The following BAHD1 variants were observed in gnomAD, a reference collection of about 807,000 sequenced individuals.
BAHD1 encodes the protein bromo adjacent homology domain-containing 1 protein.
In BAHD1, 20 loss-of-function variants were observed where a neutral mutation model predicts 63.1. That is an observed-to-expected ratio of 0.32 (90% confidence interval 0.22 to 0.46). The LOEUF (loss-of-function observed/expected upper bound fraction) is 0.46, where lower values mean the gene tolerates loss of function less well. BAHD1 is among the 20% of genes least tolerant of loss of function. The pLI is 1.00. For synonymous variants in BAHD1, 408 were observed against 426.8 expected, an observed-to-expected ratio of 0.96 and a Z score of 0.54; for missense variants, 939 against 1,071.8, an observed-to-expected ratio of 0.88 and a Z score of 1.73.
Position 40,459,754 on chromosome 15 carries a change from C to T in BAHD1, c.1290C>T (p.His430=), listed in dbSNP as rs1308867452. The T allele has an allele frequency of 3.1e-6, 5 of 1,614,000 alleles. No homozygotes were observed. The highest frequency in any genetic ancestry group is 1.6e-4 in the Middle Eastern group (1 of 6,062). Residue 430 remains histidine, a synonymous_variant, in exon 2 of 7, where the codon CAC becomes CAT. Transcript: ENST00000416165. The part of the protein sequence containing the change: ...SSVPSGTPFQ[H]PPWGSSRYCS... ...TGCCCTCAGGCACCCCTTTCCAGCA[C>T]CCTCCCTGGGGCTCCTCTCGCTACT...
chr15:40,446,691 A>G (rs1003139494), intron 1 of BAHD1, among the ~76,000 whole-genome samples: 1 of 152,218 alleles, frequency 6.6e-6, no homozygotes, highest in African/African-American at 2.4e-5. Context: ...TAGTCTTGTT[A>G]CCAATGTCAG....
upstream of BAHD1, chr15:40,439,851 T>C (rs1893352378): frequency 6.6e-6 from 1 of 152,334 alleles, no homozygotes; most frequent in Admixed American, 6.5e-5. Flanking sequence ...TCTGTGCCCT[T>C]AGCCTGCTGT....
At chr15:40,440,304 G>A (rs1400019226), upstream of BAHD1, among the ~76,000 whole-genome samples, 3 of 152,152 alleles carry the variant, frequency 2.0e-5, no homozygotes, top group Non-Finnish European at 4.4e-5. Context: ...TGGCAGGCAG[G>A]GAAGTCGGAA....
rs199812510 is a variant in BAHD1 at position 40,462,189 on chromosome 15, C to A, written c.1710C>A (p.Pro570=). The part of the protein sequence containing the change: ...RSKAARRPSH[P]KQPRVQRPRP... ...AGGCTGCCCGCAGGCCTAGCCACCC[C>A]AAGCAGCCACGTGTCCAGCGCCCAC... Residue 570 remains proline (P), a synonymous_variant, in exon 3 of 7, where the codon CCC becomes CCA. Transcript: ENST00000416165. 18 of 1,612,526 alleles carry A rather than the reference C, an allele frequency of 1.1e-5. No homozygotes were observed. Among genetic ancestry groups the A allele is most frequent in the Non-Finnish European group, 1.4e-5 (17 of 1,179,914 alleles).
rs1359955147 is a variant in BAHD1, at chr15:40,467,399, T to C, written c.*1269T>C. The C allele has an allele frequency of 6.5e-6, 1 of 153,300 alleles. No individual in the cohort carries two copies. The highest frequency in any genetic ancestry group is 1.5e-5 in the Non-Finnish European group (1 of 68,604). 9.5% of individuals were successfully genotyped at this position (153,300 alleles called of 1,614,324 possible). On this transcript the variant is annotated 3_prime_UTR_variant, in exon 7 of 7. Transcript: ENST00000416165. ...TGGTGGGAGAGGGAGTGGAGTGCAG[T>C]GTGGCTTGGGCCTGGTGCTGGGAAC...
Position 40,464,518 on chromosome 15 carries a change from C to T in BAHD1, c.2023C>T (p.Gln675Ter). Residue 675 changes from glutamine to a stop codon, truncating the protein, a stop_gained, in exon 5 of 7, where the codon CAG becomes TAG. Coordinates refer to ENST00000416165, the MANE Select transcript of BAHD1 (RefSeq NM_014952.5). LOFTEE classifies it high-confidence loss of function. ...LLWYYRPEHLQGGRSPSMHEP... is the reference protein window; with the variant it reads ...LLWYYRPEHL Reference sequence around the variant, plus strand: ...GTGGTATTACAGACCTGAGCACTTACAGGGAGGCCGCAGTCCCAGCATGCA... The same window carrying T: ...GTGGTATTACAGACCTGAGCACTTATAGGGAGGCCGCAGTCCCAGCATGCA... 6.2e-7 allele frequency: 1 copy of T among 1,613,582 alleles called. No individual in the cohort carries two copies. The highest frequency in any genetic ancestry group is 1.3e-5 in the African/African-American group (1 of 75,032).
intron 1 of BAHD1, among the ~76,000 whole-genome samples, chr15:40,447,548 ACT>A (rs1323516390): frequency 2.0e-5 from 3 of 150,852 alleles, no homozygotes; most frequent in Non-Finnish European, 2.9e-5. Context: ...ACAGAGCAAG[ACT>A]CTGTCTCCAG....
At position 40,465,899 on chromosome 15, in the gene BAHD1, A is replaced by G. The variant is rs766019634; in HGVS notation, c.2154-42A>G. The stretch of plus-strand genomic sequence containing the variant: ...TAGGGAAGGAATTGGTCTTCCTGCA[A>G]AAGTGGCTGGAGTAAAGACAGTGAA... On this transcript the variant is annotated intron_variant, in intron 6 of 6. Coordinates refer to ENST00000416165, the MANE Select transcript of BAHD1 (RefSeq NM_014952.5). The G allele has an allele frequency of 5.2e-6, 8 of 1,527,578 alleles. No homozygotes were observed. The East Asian group carries it at 1.4e-4, about 26-fold the overall frequency. The allele number at this position is 1,527,578 out of a possible 1,614,324, so 94.6% of individuals were successfully genotyped here.
intron 1 of BAHD1, chr15:40,453,458 G>A (rs1399847368): frequency 1.3e-5 from 2 of 152,238 alleles, no homozygotes; most frequent in African/African-American, 2.4e-5. Context: ...CATGACAAGT[G>A]TTTTATTCCT....
intron 3 of BAHD1, among the ~76,000 whole-genome samples, chr15:40,462,728 C>T (rs1894088866): frequency 6.6e-6 from 1 of 152,064 alleles, no homozygotes; most frequent in South Asian, 2.1e-4. Context: ...TGCGGTGGCT[C>T]ACATCTGTAA....
At chr15:40,439,601 G>C (rs540457799), upstream of BAHD1, 1 of 152,380 alleles carries the variant, frequency 6.6e-6, no homozygotes, top group Non-Finnish European at 1.5e-5. Flanking sequence ...CCCTCCCTGG[G>C]CTGCTCCAGC....
At chr15:40,464,994 C>T (rs1324896370) in intron 5 of BAHD1, 3 of 400,886 alleles carry the variant, frequency 7.5e-6, no homozygotes, top group African/African-American at 4.0e-5. Flanking sequence ...GCCCTGGGCT[C>T]ACCTTTTATT....
intron 5 of BAHD1, chr15:40,465,077 G>A (rs1164311505): frequency 5.7e-6 from 3 of 529,492 alleles, no homozygotes; most frequent in Non-Finnish European, 3.4e-6. Flanking sequence ...ACGCTAGGCA[G>A]GGCTGGGGTT....
upstream of BAHD1, among the ~76,000 whole-genome samples, chr15:40,439,220 G>A (rs546900896): frequency 2.7e-4 from 41 of 152,308 alleles, no homozygotes; most frequent in South Asian, 5.8e-3. Context: ...AGACATTTCC[G>A]TGCCACAGTT....
In BAHD1 at chr15:40,465,340, G is replaced by C. The variant is rs1297797009; in HGVS notation, c.2058G>C (p.Leu686Phe). The change falls in exon 6 of 7, where the codon TTG (leucine) becomes TTC (phenylalanine). Residue 686 changes from leucine to phenylalanine, a missense_variant. By Grantham distance (22) the Leu-to-Phe change is conservative. Transcript: ENST00000416165. The part of the protein sequence containing the change: ...GGRSPSMHEP[L>F]QNEVFASRHQ... ...TCCACCTGTCTCCCTTTGAGCCCTTGCAGAATGAAGTGTTTGCATCGCGAC... is the reference window on the plus strand; with the variant it reads ...TCCACCTGTCTCCCTTTGAGCCCTTCCAGAATGAAGTGTTTGCATCGCGAC... The C allele has an allele frequency of 6.2e-7, 1 of 1,614,112 alleles. No individual in the cohort carries two copies. Among genetic ancestry groups the C allele is most frequent in the East Asian group, 2.2e-5 (1 of 44,880 alleles).
At chr15:40,443,413 A>ATG in intron 1 of BAHD1, 2 of 659,924 alleles carry the variant, frequency 3.0e-6, no homozygotes, top group Non-Finnish European at 3.8e-6. Flanking sequence ...GATGAATCTC[A>ATG]AGGCCTTTGT....
Position 40,458,686 on chromosome 15 carries a change from G to T in BAHD1, c.222G>T (p.Leu74=). 2 of 1,613,910 alleles carry T rather than the reference G, an allele frequency of 1.2e-6. No homozygotes were observed. Among genetic ancestry groups the T allele is most frequent in the Non-Finnish European group, 1.7e-6 (2 of 1,180,008 alleles). Residue 74 remains leucine (L), a synonymous_variant, in exon 2 of 7, where the codon CTG becomes CTT. Transcript: ENST00000416165. The surrounding 1 kb of genome is among the most constrained non-coding windows in gnomAD (Gnocchi z 4.7). Reference sequence around the variant, plus strand: ...AGCCCAAGGCCTGCAAAGTGCTGCTGACTCGCCTGGAGAATGTGGCCGGTC... The same window carrying T: ...AGCCCAAGGCCTGCAAAGTGCTGCTTACTCGCCTGGAGAATGTGGCCGGTC... ...PEKPKACKVL[L]TRLENVAGPR...
chr15:40,448,577 C>T (rs557479849), intron 1 of BAHD1, among the ~76,000 whole-genome samples: 1 of 152,174 alleles, frequency 6.6e-6, no homozygotes, highest in Non-Finnish European at 1.5e-5. Flanking sequence ...AGCTCTGTCA[C>T]CGAGTCCAGA....
In BAHD1 at chr15:40,459,354, A is replaced by T. The variant is rs201655639; in HGVS notation, c.890A>T (p.His297Leu). 1 of 1,613,084 alleles carries T rather than the reference A, an allele frequency of 6.2e-7. No homozygotes were observed. Among genetic ancestry groups the T allele is most frequent in the South Asian group, 1.1e-5 (1 of 91,054 alleles). ...TGTGGGCCATCCGTCCAGCCATCTC[A>T]TCAGCCCCTGAGCAAGGCTCTGGAG... ...TPCGPSVQPS[H>L]QPLSKALESP... The change falls in exon 2 of 7, where the codon CAT becomes CTT. Residue 297 changes from histidine (H) to leucine (L), a missense_variant. His to Leu is a moderately conservative substitution (Grantham distance 99). This residue lies in a region of BAHD1 where 797 missense variants were observed against 813.3 expected (regional missense o/e 0.98). Transcript: ENST00000416165.
Sources: allele counts gnomAD v4.1 joint callset (sites outside exome capture counted in the v4.1 genomes callset), GRCh38; gene constraint gnomAD v4.1.1; regional missense constraint gnomAD v4.1.1; non-coding constraint Gnocchi (gnomAD v3.1); transcripts MANE v1.5; gene names NCBI Gene and HGNC (gene_info 2026-07-23, HGNC 2026-07-21).